The following NIT1 variants were observed in gnomAD, a reference collection of about 807,000 sequenced individuals.
NIT1 encodes deaminated glutathione amidase.
In NIT1, 30 loss-of-function variants were observed where a neutral mutation model predicts 36.8. The observed-to-expected ratio is 0.82, with a 90% CI of 0.61 to 1.11. NIT1 has a LOEUF of 1.11. Ranked by LOEUF, NIT1 falls within the 50% of genes least tolerant of loss-of-function variation. NIT1 has a pLI of 0.00. For synonymous variants in NIT1, 151 were observed against 155.6 expected (o/e 0.97, Z 0.22); for missense variants, 438 against 410.6 (o/e 1.07, Z -0.58).
At chr1:161,119,413 G>A (rs377319317) in intron 3 of NIT1, 25 bp downstream of exon 3, 15 of 1,613,064 alleles carry the variant, frequency 9.3e-6, no homozygotes, top group Non-Finnish European at 1.3e-5. Flanking sequence ...GCGAGGGAGA[G>A]GTAGAATCTT....
At chr1:161,119,998 A>C in intron 5 of NIT1, 46 bp downstream of exon 5, 1 of 1,604,170 alleles carries the variant, frequency 6.2e-7, no homozygotes, top group South Asian at 1.1e-5. Flanking sequence ...AATACTTTGA[A>C]CTGGCAGTAG....
downstream of NIT1, chr1:161,124,727 C>A: frequency 3.5e-6 from 2 of 563,734 alleles, no homozygotes; most frequent in Non-Finnish European, 5.3e-6. Context: ...TTTGGGAGGC[C>A]AAGGCAGGAG....
chr1:161,118,359 G>C, intron 1 of NIT1, 181 bp downstream of exon 1: 1 of 1,520,122 alleles, frequency 6.6e-7, no homozygotes, highest in Non-Finnish European at 8.8e-7. Flanking sequence ...TTGCCCACCA[G>C]GGAGGGGTGG....
At position 161,120,287 on chromosome 1, in the gene NIT1, C is replaced by A. The variant is rs76729621; in HGVS notation, c.717+55C>A. The A allele has an allele frequency of 2.9e-5, 46 of 1,598,280 alleles. 1 individual carries two copies. The East Asian group carries it at 5.6e-4, about 19-fold the overall frequency. On this transcript the variant is annotated intron_variant, in intron 6 of 6. Transcript: ENST00000368009. ...GCCTTTTCTTAACCTCATCTTCCCC[C>A]CTTGGCCCTACCAGTTAAATTCCTT...
chr1:161,122,898 C>T (rs1419009608), downstream of NIT1: 3 of 1,185,832 alleles, frequency 2.5e-6, no homozygotes, highest in Admixed American at 1.8e-5. This position sits in a 1 kb window ranked among gnomAD's most constrained non-coding sequence, Gnocchi z 4.2. Context: ...TTGAAATGTA[C>T]CCTGCCACAA....
chr1:161,124,575 G>C, downstream of NIT1: 1 of 1,481,506 alleles, frequency 6.7e-7, no homozygotes, highest in Non-Finnish European at 8.9e-7. Flanking sequence ...GCAGGAACTA[G>C]TCTCATGCAT....
At position 161,119,212 on chromosome 1, in the gene NIT1, C is replaced by T. The variant is rs865845863; in HGVS notation, c.177C>T (p.Asp59=). 6.2e-7 allele frequency: 1 copy of T among 1,614,228 alleles called. No individual in the cohort carries two copies. The highest frequency in any genetic ancestry group is 8.5e-7 in the Non-Finnish European group (1 of 1,180,048). Residue 59 remains aspartate (D), a synonymous_variant, in exon 3 of 7, where the codon GAC becomes GAT. Coordinates refer to ENST00000368009, the MANE Select transcript of NIT1 (RefSeq NM_005600.3). ...VAVCQVTSTP[D]KQQNFKTCAE... is the part of the protein sequence containing the mutation. Reference sequence around the variant, plus strand: ...TGTGCCAGGTAACATCGACGCCAGACAAGCAACAGAACTTTAAAACATGTG... The same window carrying T: ...TGTGCCAGGTAACATCGACGCCAGATAAGCAACAGAACTTTAAAACATGTG...
At chr1:161,124,636 C>T, downstream of NIT1, 3 of 1,312,244 alleles carry the variant, frequency 2.3e-6, no homozygotes, top group Non-Finnish European at 3.0e-6. Context: ...GTGCTTTATA[C>T]ATGTTTATTA....
Position 161,120,625 on chromosome 1 carries a change from G to A in NIT1, c.844G>A (p.Val282Met). ...SMVVDPWGTV[V>M]ARCSEGPGLC... ...GGTGGTAGACCCCTGGGGAACAGTG[G>A]TGGCCCGCTGCTCTGAGGGGCCAGG... is the stretch of plus-strand genomic sequence containing the variant. Residue 282 changes from valine (V) to methionine (M), a missense_variant, in exon 7 of 7, where the codon GTG becomes ATG. Coordinates refer to ENST00000368009, the MANE Select transcript of NIT1 (RefSeq NM_005600.3). The A allele has an allele frequency of 1.2e-6, 2 of 1,614,196 alleles. No individual in the cohort carries two copies. Among genetic ancestry groups the A allele is most frequent in the Admixed American group, 1.7e-5 (1 of 60,030 alleles).
At chr1:161,120,074 G>GA (rs1655283942) in intron 5 of NIT1, 33 bp from the exon 6 acceptor site, 1 of 1,613,770 alleles carries the variant, frequency 6.2e-7, no homozygotes. Context: ...AACAGAGCAG[G>GA]AAGACTACTA....
rs1655048301 is a variant in NIT1, at chr1:161,118,278, C to T, written c.2+100C>T. 5 of 1,555,214 alleles carry T rather than the reference C, an allele frequency of 3.2e-6. No homozygotes were observed. In the Admixed American group the frequency reaches 5.1e-5, roughly 16 times the overall value. Reference sequence around the variant, plus strand: ...TGCCTCTGGGAGAGGCGGGGAGGGACGGGCCAACTGGAGCGGGCGGCGGGA... The same window carrying T: ...TGCCTCTGGGAGAGGCGGGGAGGGATGGGCCAACTGGAGCGGGCGGCGGGA... On this transcript the variant is annotated intron_variant, in intron 1 of 6. Transcript: ENST00000368009.
rs1460841725 is a variant in NIT1, at chr1:161,120,829, C to T, written c.*64C>T. 1 of 1,430,752 alleles carries T rather than the reference C, an allele frequency of 7.0e-7. No individual in the cohort carries two copies. The highest frequency in any genetic ancestry group is 9.6e-7 in the Non-Finnish European group (1 of 1,039,968). 88.6% of individuals were successfully genotyped at this position (1,430,752 alleles called of 1,614,324 possible). A position where few individuals can be genotyped will look rare whatever the true frequency, so the allele number is the denominator to read the frequency against. On this transcript the variant is annotated 3_prime_UTR_variant, in exon 7 of 7. Coordinates refer to ENST00000368009, the MANE Select transcript of NIT1 (RefSeq NM_005600.3). Reference sequence around the variant, plus strand: ...CCCACCCTGCCACTATGAGCTAGTGCTCATGTGACTTGGAGGCAGGATCCA... The same window carrying T: ...CCCACCCTGCCACTATGAGCTAGTGTTCATGTGACTTGGAGGCAGGATCCA...
rs771757577 is a variant in NIT1, at chr1:161,119,525, C to T, written c.370C>T (p.Leu124=). The T allele has an allele frequency of 8.7e-6, 14 of 1,614,152 alleles. No homozygotes were observed. The highest frequency in any genetic ancestry group is 1.2e-5 in the Non-Finnish European group (14 of 1,179,992). Residue 124 remains leucine (L), a synonymous_variant, in exon 4 of 7, where the codon CTG becomes TTG. Coordinates refer to ENST00000368009, the MANE Select transcript of NIT1 (RefSeq NM_005600.3). ...TCCCCCCAGGGAATGTGGACTCTGGCTGTCCTTGGGTGGTTTCCATGAGCG... is the reference window on the plus strand; with the variant it reads ...TCCCCCCAGGGAATGTGGACTCTGGTTGTCCTTGGGTGGTTTCCATGAGCG... The part of the protein sequence containing the change: ...TQLARECGLW[L]SLGGFHERGQ...
chr1:161,123,635 CAAAAAAAAA>C (rs35678373), downstream of NIT1, among the ~76,000 whole-genome samples: 6 of 88,936 alleles, frequency 6.7e-5, no homozygotes, highest in South Asian at 2.3e-3. Context: ...GACTCTGTCT[CAAAAAAAAA>C]AAAAAAAAAG....
chr1:161,118,482 A>G, intron 1 of NIT1: 1 of 1,536,164 alleles, frequency 6.5e-7, no homozygotes, highest in East Asian at 2.4e-5. Flanking sequence ...TGGGAAAACC[A>G]AGGATAGTTC....
downstream of NIT1, chr1:161,123,726 C>G: frequency 1.1e-6 from 1 of 900,460 alleles, no homozygotes; most frequent in Non-Finnish European, 1.7e-6. Flanking sequence ...TTTTATGGGG[C>G]AAGATGTGGG....
At position 161,121,012 on chromosome 1, in the gene NIT1, A is replaced by G. The variant is rs1199976963; in HGVS notation, c.*247A>G. On this transcript the variant is annotated 3_prime_UTR_variant, in exon 7 of 7. Coordinates refer to ENST00000368009, the MANE Select transcript of NIT1 (RefSeq NM_005600.3). ...TCATTGTTTATTTCATGGAAACTGA[A>G]GTTCTGCTGAGGGCTGAGCAGCACT... is the stretch of plus-strand genomic sequence containing the variant. 8 of 1,379,042 alleles carry G rather than the reference A, an allele frequency of 5.8e-6. No individual in the cohort carries two copies. The highest frequency in any genetic ancestry group is 7.5e-6 in the Non-Finnish European group (8 of 1,066,304). 85.4% of individuals were successfully genotyped at this position (1,379,042 alleles called of 1,614,324 possible).
chr1:161,120,238 A>C lies in NIT1; in HGVS notation c.717+6A>C. 1.2e-6 allele frequency: 2 copies of C among 1,613,886 alleles called. No homozygotes were observed. The highest frequency in any genetic ancestry group is 1.7e-6 in the Non-Finnish European group (2 of 1,179,926). On this transcript the variant is annotated splice_donor_region_variant and intron_variant, in intron 6 of 6. Coordinates refer to ENST00000368009, the MANE Select transcript of NIT1 (RefSeq NM_005600.3). ...CAGGCCCAGCCCACTGGGAGGTAAG[A>C]TGATGCCTTTTTAAAACATAAGGGC...
At chr1:161,120,000 T>G (rs765371233) in intron 5 of NIT1, 48 bp downstream of exon 5, 1 of 1,603,848 alleles carries the variant, frequency 6.2e-7, no homozygotes, top group South Asian at 1.1e-5. Flanking sequence ...TACTTTGAAC[T>G]GGCAGTAGAG....
Sources: allele counts gnomAD v4.1 joint callset (sites outside exome capture counted in the v4.1 genomes callset), GRCh38; gene constraint gnomAD v4.1.1; non-coding constraint Gnocchi (gnomAD v3.1); transcripts MANE v1.5; gene names NCBI Gene and HGNC (gene_info 2026-07-23, HGNC 2026-07-21).